FN1: variants seen among roughly 807,000 people sequenced by gnomAD.
FN1 encodes the protein fibronectin.
In FN1, 106 loss-of-function variants were observed where a neutral mutation model predicts 297.3. That is an observed-to-expected ratio of 0.36 (90% CI 0.30 to 0.42). The LOEUF (loss-of-function observed/expected upper bound fraction) is 0.42, where lower values mean the gene tolerates loss of function less well. Among genes scored for constraint, FN1 ranks in the 10% least tolerant of loss-of-function variants. The pLI is 1.00. For missense variants in FN1, 2,690 were observed against 3,124.9 expected (o/e 0.86, Z 3.32); for synonymous variants, 1,149 against 1,152.6 (o/e 1.00, Z 0.06).
rs1283386660 is a variant in FN1, at chr2:215,406,478, C to T, written c.2746G>A (p.Val916Met). 1.2e-6 allele frequency: 2 copies of T among 1,613,996 alleles called. No homozygotes were observed. Among genetic ancestry groups the T allele is most frequent in the African/African-American group, 2.7e-5 (2 of 74,950 alleles). The change falls in exon 19 of 46, where the codon GTG becomes ATG. Residue 916 changes from valine to methionine, a missense_variant. By Grantham distance (21) the Val-to-Met change is conservative. Around this residue, in one of 3 missense-constraint regions of FN1, gnomAD observed 71 missense variants for 121.7 expected, o/e 0.58. Coordinates refer to ENST00000354785, the MANE Select transcript of FN1 (RefSeq NM_212482.4). ...GTGACCTTCACGTCTGTCACTTCCA[C>T]AAACTGCAGGTCCCTGGGAGAGGGC... ...TVPSPRDLQFVEVTDVKVTIM... is the reference protein window; with the variant it reads ...TVPSPRDLQFMEVTDVKVTIM...
chr2:215,372,065 G>A lies in FN1; in HGVS notation c.6558C>T (p.Asp2186=). ...CCGGACCGTGTGGGTACAGGTGATAGTCTACATCTTCCCTGGGGATGTGAC... is the reference window on the plus strand; with the variant it reads ...CCGGACCGTGTGGGTACAGGTGATAATCTACATCTTCCCTGGGGATGTGAC... The part of the protein sequence containing the change: ...QIGHIPREDV[D]YHLYPHGPGL... The change falls in exon 40 of 46, where the codon GAC becomes GAT. Residue 2186 remains aspartate, a synonymous_variant. Coordinates refer to ENST00000354785, the MANE Select transcript of FN1 (RefSeq NM_212482.4). The A allele has an allele frequency of 4.3e-6, 7 of 1,614,246 alleles. No individual in the cohort carries two copies. Among genetic ancestry groups the A allele is most frequent in the Non-Finnish European group, 5.9e-6 (7 of 1,180,046 alleles).
chr2:215,390,933 A>G (rs1351693809), intron 26 of FN1, among the ~76,000 whole-genome samples: 1 of 152,248 alleles, frequency 6.6e-6, no homozygotes, highest in Non-Finnish European at 1.5e-5. Flanking sequence ...TACAGTGAAA[A>G]TAATAAAAAG....
intron 32 of FN1, chr2:215,381,995 C>T: frequency 1.9e-6 from 1 of 521,918 alleles, no homozygotes. Context: ...CAAAGCACAG[C>T]AACTAACTAT....
rs189344481 is a variant in FN1, at chr2:215,428,446, T to C, written c.686-108A>G. 2.1e-4 allele frequency: 195 copies of C among 942,322 alleles called. 1 individual carries two copies. In the East Asian group the frequency reaches 4.5e-3, roughly 22 times the overall value. 58.4% of individuals were successfully genotyped at this position (942,322 alleles called of 1,614,324 possible). A position where few individuals can be genotyped will look rare whatever the true frequency, so the allele number is the denominator to read the frequency against. On this transcript the variant is annotated intron_variant, in intron 5 of 45. Coordinates refer to ENST00000354785, the MANE Select transcript of FN1 (RefSeq NM_212482.4). ...ATGCCTGGTAATCTATTTTTGGTAATATGTTCATATTCAGCTCTGGTGCTG... is the reference window on the plus strand; with the variant it reads ...ATGCCTGGTAATCTATTTTTGGTAACATGTTCATATTCAGCTCTGGTGCTG...
chr2:215,384,145 C>G lies in FN1; in HGVS notation c.4769G>C (p.Ser1590Thr). 6.2e-7 allele frequency: 1 copy of G among 1,614,130 alleles called. No homozygotes were observed. Among genetic ancestry groups the G allele is most frequent in the East Asian group, 2.2e-5 (1 of 44,880 alleles). The change falls in exon 30 of 46, where the codon AGC becomes ACC. Residue 1590 changes from serine (S) to threonine (T), a missense_variant. Ser to Thr is a moderately conservative substitution (Grantham distance 58). Transcript: ENST00000354785. ...SPVQEFTVPG[S>T]KSTATISGLK... is the part of the protein sequence containing the mutation. ...GCCGCTGATGGTAGCTGTAGACTTG[C>G]TCCCAGGCACAGTGAACTCCTGGAC...
chr2:215,367,718 A>G lies in FN1; in HGVS notation c.7018+145T>C. ...CCATCATTTTTCTATGATGCAAAATATTACTTCGAGTCAAACAGTATTCTC... is the reference window on the plus strand; with the variant it reads ...CCATCATTTTTCTATGATGCAAAATGTTACTTCGAGTCAAACAGTATTCTC... On this transcript the variant is annotated intron_variant, in intron 42 of 45. Coordinates refer to ENST00000354785, the MANE Select transcript of FN1 (RefSeq NM_212482.4). 3 of 818,960 alleles carry G rather than the reference A, an allele frequency of 3.7e-6. No individual in the cohort carries two copies. The South Asian group carries it at 4.4e-5, about 12-fold the overall frequency. The allele number at this position is 818,960 out of a possible 1,614,324, so 50.7% of individuals were successfully genotyped here.
chr2:215,423,633 GAC>G, intron 8 of FN1, 107 bp from the exon 9 acceptor site: 1 of 969,182 alleles, frequency 1.0e-6, no homozygotes, highest in Non-Finnish European at 1.6e-6. Flanking sequence ...CTCATTCACA[GAC>G]AGTCTATCTC....
chr2:215,386,706 A>T lies in FN1; in HGVS notation c.4595T>A (p.Ile1532Asn), dbSNP rs767639606. 7.4e-6 allele frequency: 12 copies of T among 1,613,204 alleles called. No individual in the cohort carries two copies. The highest frequency in any genetic ancestry group is 1.0e-5 in the Non-Finnish European group (12 of 1,179,902). Residue 1532 changes from isoleucine (I) to asparagine (N), a missense_variant, in exon 28 of 46, where the codon ATT (isoleucine) becomes AAT (asparagine). Physicochemically the swap from Ile to Asn is moderately radical, Grantham distance 149 (BLOSUM62 -3). Transcript: ENST00000354785. ...AAAGTTACCTGTTGATTGTTGGCCAATCAATAAGGGACTTTCCTCTCTGCC... is the reference window on the plus strand; with the variant it reads ...AAAGTTACCTGTTGATTGTTGGCCATTCAATAAGGGACTTTCCTCTCTGCC... ...LNGREESPLL[I>N]GQQSTVSDVP...
chr2:215,370,309 T>A lies in FN1; in HGVS notation c.6838A>T (p.Thr2280Ser). The change falls in exon 41 of 46, where the codon ACC becomes TCC. Residue 2280 changes from threonine to serine, a missense_variant. Physicochemically the swap from Thr to Ser is moderately conservative, Grantham distance 58. Coordinates refer to ENST00000354785, the MANE Select transcript of FN1 (RefSeq NM_212482.4). ...QRHKVREEVV[T>S]VGNSVNEGLN... The stretch of plus-strand genomic sequence containing the variant: ...GTTTACATACCAGAGTTGCCCACGG[T>A]AACAACCTCTTCCCGAACCTTATGC... 1 of 1,613,926 alleles carries A rather than the reference T, an allele frequency of 6.2e-7. No homozygotes were observed. The highest frequency in any genetic ancestry group is 1.1e-5 in the South Asian group (1 of 91,060).
intron 31 of FN1, among the ~76,000 whole-genome samples, chr2:215,382,680 G>C (rs1253201270): frequency 5.9e-5 from 9 of 152,122 alleles, no homozygotes. Context: ...AGACAACATA[G>C]CTAAAAAGAG....
intron 26 of FN1, among the ~76,000 whole-genome samples, chr2:215,389,708 T>C (rs187562108): frequency 6.6e-6 from 1 of 152,150 alleles, no homozygotes; most frequent in Non-Finnish European, 1.5e-5. Context: ...GAGAATCACT[T>C]GAGCCTTGGT....
Position 215,364,918 on chromosome 2 carries a change from G to A in FN1, c.7212C>T (p.Leu2404=), listed in dbSNP as rs749250118. ...HVGEQWQKEY[L]GAICSCTCFG... is the part of the protein sequence containing the mutation. The stretch of plus-strand genomic sequence containing the variant: ...AGCATGTGCAGGAGCAAATGGCACC[G>A]AGATATTCCTTCTGCCACTGTTCTC... Residue 2404 remains leucine, a synonymous_variant, in exon 44 of 46, where the codon CTC becomes CTT. Transcript: ENST00000354785. 44 of 1,573,420 alleles carry A rather than the reference G, an allele frequency of 2.8e-5. 1 individual carries two copies. The Admixed American group carries it at 4.6e-4, about 17-fold the overall frequency.
In FN1 at chr2:215,371,887, AGT is replaced by A. The variant is rs878993849; in HGVS notation, c.6714+20_6714+21del. 1 of 1,582,174 alleles carries A rather than the reference AGT, an allele frequency of 6.3e-7. No homozygotes were observed. The highest frequency in any genetic ancestry group is 1.1e-5 in the South Asian group (1 of 90,506). On this transcript the variant is annotated intron_variant, in intron 40 of 45. Transcript: ENST00000354785. ...TTCCTTTCTGTGCTGCCCCATGAGAAGTGAAGAGAACAATTAATTACCTGTAA... is the reference window on the plus strand; with the variant it reads ...TTCCTTTCTGTGCTGCCCCATGAGAAGAAGAGAACAATTAATTACCTGTAA...
rs1164663810 is a variant in FN1, at chr2:215,422,148, T to C, written c.1489A>G (p.Thr497Ala). 6.2e-7 allele frequency: 1 copy of C among 1,614,184 alleles called. No homozygotes were observed. The highest frequency in any genetic ancestry group is 1.1e-5 in the South Asian group (1 of 91,086). Reference protein sequence around the residue: ...QHDMGHMMRCTCVGNGRGEWT... With the variant: ...QHDMGHMMRCACVGNGRGEWT... ...TCCCCACGACCATTCCCAACACACGTGCACCTCATCATGTGACCCATGTCA... is the reference window on the plus strand; with the variant it reads ...TCCCCACGACCATTCCCAACACACGCGCACCTCATCATGTGACCCATGTCA... Residue 497 changes from threonine to alanine, a missense_variant, in exon 10 of 46, where the codon ACG (threonine) becomes GCG (alanine). By Grantham distance (58) the Thr-to-Ala change is moderately conservative (BLOSUM62 0). This residue lies in a region of FN1 where 876 missense variants were observed against 1,058.1 expected (regional missense o/e 0.83). Transcript: ENST00000354785.
Position 215,425,253 on chromosome 2 carries a change from C to A in FN1, c.877G>T (p.Val293Phe), listed in dbSNP as rs1417911404. Residue 293 changes from valine (V) to phenylalanine (F), a missense_variant, in exon 7 of 46, where the codon GTT becomes TTT. Physicochemically the swap from Val to Phe is conservative, Grantham distance 50. Coordinates refer to ENST00000354785, the MANE Select transcript of FN1 (RefSeq NM_212482.4). The part of the protein sequence containing the change: ...SGPFTDVRAA[V>F]YQPQPHPQPP... ...TGGGGGTGAGGCTGCGGTTGGTAAA[C>A]AGCTGCACGAACATCGGTGAAGGGG... 2 of 1,614,022 alleles carry A rather than the reference C, an allele frequency of 1.2e-6. No homozygotes were observed. The highest frequency in any genetic ancestry group is 2.2e-5 in the East Asian group (1 of 44,884).
Position 215,392,911 on chromosome 2 carries a change from C to CAGA in FN1, c.4069+17_4069+19dup, listed in dbSNP as rs764842829. The CAGA allele has an allele frequency of 5.5e-5, 88 of 1,611,996 alleles. No homozygotes were observed. The highest frequency in any genetic ancestry group is 7.5e-5 in the Non-Finnish European group (88 of 1,179,920). ...TGCAACACCATCTATGTCTCAAACG[C>CAGA]AGAAGTTTTCAAAATTCACCCGTTT... On this transcript the variant is annotated intron_variant, in intron 25 of 45. Coordinates refer to ENST00000354785, the MANE Select transcript of FN1 (RefSeq NM_212482.4).
chr2:215,406,438 G>A lies in FN1; in HGVS notation c.2786C>T (p.Pro929Leu), dbSNP rs370103949. 112 of 1,613,976 alleles carry A rather than the reference G, an allele frequency of 6.9e-5. No homozygotes were observed. Among genetic ancestry groups the A allele is most frequent in the Non-Finnish European group, 8.6e-5 (102 of 1,180,002 alleles). Residue 929 changes from proline to leucine, a missense_variant, in exon 19 of 46, where the codon CCG (proline) becomes CTG (leucine). Pro to Leu is a moderately conservative substitution (Grantham distance 98, BLOSUM62 -3). Around this residue, in one of 3 missense-constraint regions of FN1, gnomAD observed 1,743 missense variants for 1,945.2 expected, o/e 0.90. Transcript: ENST00000354785. ...GTAGCCGGTCACTGCACTCTCAGGC[G>A]GTGTCCACATGATGGTGACCTTCAC... ...TDVKVTIMWT[P>L]PESAVTGYRV...
At chr2:215,426,606 C>T (rs1284168327) in intron 6 of FN1, among the ~76,000 whole-genome samples, 1 of 152,060 alleles carries the variant, frequency 6.6e-6, no homozygotes, top group Non-Finnish European at 1.5e-5. Flanking sequence ...GACAAAGAAT[C>T]CCAAGGTCAA....
intron 42 of FN1, among the ~76,000 whole-genome samples, chr2:215,365,965 TA>T (rs1237784497): frequency 1.0e-5 from 1 of 97,638 alleles, no homozygotes; most frequent in African/African-American, 3.6e-5. Flanking sequence ...CCCACAGTGC[TA>T]TTTTTTTTTT....
Sources: allele counts gnomAD v4.1 joint callset (sites outside exome capture counted in the v4.1 genomes callset), GRCh38; gene constraint gnomAD v4.1.1; regional missense constraint gnomAD v4.1.1; transcripts MANE v1.5; gene names NCBI Gene and HGNC (gene_info 2026-07-23, HGNC 2026-07-21).